ADAP1: variants seen among roughly 807,000 people sequenced by gnomAD.
The protein encoded by ADAP1 is arf-GAP with dual PH domain-containing protein 1.
A neutral mutation model predicts 54.9 loss-of-function variants in ADAP1; 31 were observed. That is an observed-to-expected ratio of 0.56 (90% CI 0.42 to 0.76). The LOEUF is 0.76. Ranked by LOEUF, ADAP1 falls within the 30% of genes least tolerant of loss-of-function variation. The pLI, the probability that ADAP1 is intolerant of heterozygous loss-of-function variation, is 0.00. For missense variants in ADAP1, 535 were observed against 512.4 expected, an observed-to-expected ratio of 1.04 and a Z score of -0.42; for synonymous variants, 313 against 202.6, an observed-to-expected ratio of 1.55 and a Z score of -4.63.
At chr7:905,996 G>C (rs1845269431) in intron 4 of ADAP1, among the ~76,000 whole-genome samples, 3 of 82,640 alleles carry the variant, frequency 3.6e-5, no homozygotes, top group Admixed American at 1.2e-4. Flanking sequence ...AAGGAGAAAG[G>C]AGAAAGGAGA....
chr7:955,309 G>A (rs750570013), upstream of ADAP1: 111 of 1,550,142 alleles, frequency 7.2e-5, no homozygotes, highest in East Asian at 1.0e-3. Context: ...CCAGACTCGC[G>A]TGCCCTTCCT....
intron 4 of ADAP1, among the ~76,000 whole-genome samples, chr7:915,434 G>A (rs939161359): frequency 1.3e-5 from 2 of 152,222 alleles, no homozygotes; most frequent in African/African-American, 4.8e-5. Flanking sequence ...CCGCCCCGCC[G>A]GGCCTGGTAT....
In ADAP1 at chr7:920,701, G is replaced by A. The variant is rs560590970; in HGVS notation, c.306-651C>T. On this transcript the variant is annotated intron_variant, in intron 3 of 10. Transcript: ENST00000265846. This position sits in a 1 kb window ranked among gnomAD's most constrained non-coding sequence, Gnocchi z 4.5. ...AGCCCCCGAGAGTAAAGCCCGGGACGAGGGCCCCCCACGGCACCCACTGAG... is the reference window on the plus strand; with the variant it reads ...AGCCCCCGAGAGTAAAGCCCGGGACAAGGGCCCCCCACGGCACCCACTGAG... 5.6e-5 allele frequency: 67 copies of A among 1,187,008 alleles called. No individual in the cohort carries two copies. Among genetic ancestry groups the A allele is most frequent in the East Asian group, 5.3e-4 (20 of 38,092 alleles). 73.5% of individuals were successfully genotyped at this position (1,187,008 alleles called of 1,614,324 possible).
At chr7:904,978 C>T (rs544916546) in intron 5 of ADAP1, 82 bp downstream of exon 5, 392 of 1,239,730 alleles carry the variant, frequency 3.2e-4, no homozygotes, top group South Asian at 1.5e-3. Flanking sequence ...TGCGGATGGA[C>T]GCGGCCACCA....
intron 1 of ADAP1, among the ~76,000 whole-genome samples, chr7:952,645 T>C (rs1847299330): frequency 2.0e-5 from 3 of 152,092 alleles, no homozygotes; most frequent in Admixed American, 6.5e-5. Flanking sequence ...GTGTGGCTCA[T>C]GTCCCCTAAG....
chr7:937,827 C>T (rs1000839895), intron 1 of ADAP1, among the ~76,000 whole-genome samples: 1 of 152,200 alleles, frequency 6.6e-6, no homozygotes, highest in Non-Finnish European at 1.5e-5. Context: ...TTTTCTGTCA[C>T]AGCTGTTAGG....
intron 6 of ADAP1, among the ~76,000 whole-genome samples, chr7:903,636 C>G (rs1290411104): frequency 6.6e-6 from 1 of 152,258 alleles, no homozygotes; most frequent in East Asian, 1.9e-4. Flanking sequence ...CCCCCAAGCC[C>G]TCCAGAGATG....
At chr7:948,221 G>C (rs1314954487) in intron 1 of ADAP1, among the ~76,000 whole-genome samples, 1 of 149,766 alleles carries the variant, frequency 6.7e-6, no homozygotes, top group Non-Finnish European at 1.5e-5. Context: ...CCCCATGTCT[G>C]CCCTGCCCCC....
intron 1 of ADAP1, among the ~76,000 whole-genome samples, chr7:953,794 G>A (rs1199863593): frequency 6.6e-6 from 1 of 152,230 alleles, no homozygotes; most frequent in East Asian, 1.9e-4. Context: ...CCGGGAGAAC[G>A]AACGGGCGGG....
intron 1 of ADAP1, among the ~76,000 whole-genome samples, chr7:942,142 C>G (rs1397331177): frequency 6.6e-6 from 1 of 152,184 alleles, no homozygotes; most frequent in Non-Finnish European, 1.5e-5. Flanking sequence ...AAAATTATCC[C>G]CAAATGCATC....
rs557106421 is a variant in ADAP1, at chr7:945,335, C to T, written c.82+9061G>A. 2.0e-5 allele frequency among the ~76,000 whole-genome samples: 3 copies of T among 152,310 alleles called. No individual in the cohort carries two copies. In the South Asian group the frequency reaches 6.2e-4, roughly 32 times the overall value. ...GGGAGCTGGTCTGACGCCCCAGCAG[C>T]AGGGCCCCCACAGGCCCACGCAGGA... On this transcript the variant is annotated intron_variant, in intron 1 of 10. Coordinates refer to ENST00000265846, the MANE Select transcript of ADAP1 (RefSeq NM_006869.4). This position sits in a 1 kb window ranked among gnomAD's most constrained non-coding sequence, Gnocchi z 4.2.
chr7:929,531 A>C (rs1410477244), intron 2 of ADAP1, among the ~76,000 whole-genome samples: 1 of 151,626 alleles, frequency 6.6e-6, no homozygotes, highest in African/African-American at 2.4e-5. Context: ...AAAAAAAAAA[A>C]AAAACAAGAC....
intron 1 of ADAP1, among the ~76,000 whole-genome samples, chr7:953,788 GA>G (rs902945704): frequency 5.3e-5 from 8 of 152,366 alleles, no homozygotes; most frequent in Non-Finnish European, 1.0e-4. Flanking sequence ...GCCCGGCCGG[GA>G]GAACGAACGG....
At chr7:936,216 A>ATTTTTTTT (rs57738487) in intron 1 of ADAP1, among the ~76,000 whole-genome samples, 29,492 of 150,836 alleles carry the variant, frequency 0.2, 3,123 homozygotes, top group African/African-American at 0.27. Context: ...AGGGAGCAGA[A>ATTTTTTTT]TTTTTTTTGA....
At chr7:951,672 C>T (rs1847275329) in intron 1 of ADAP1, among the ~76,000 whole-genome samples, 1 of 150,876 alleles carries the variant, frequency 6.6e-6, no homozygotes, top group Admixed American at 6.6e-5. Flanking sequence ...GAGGCAGAGG[C>T]TGCAGTGAGT....
At chr7:939,461 G>A (rs547088666) in intron 1 of ADAP1, among the ~76,000 whole-genome samples, 13 of 151,718 alleles carry the variant, frequency 8.6e-5, no homozygotes, top group East Asian at 8.0e-4. Flanking sequence ...TAGGTGATCC[G>A]CCTGCCTCGG....
chr7:953,670 G>A (rs908451859), intron 1 of ADAP1, among the ~76,000 whole-genome samples: 1 of 152,220 alleles, frequency 6.6e-6, no homozygotes, highest in Non-Finnish European at 1.5e-5. Context: ...TGGGCACTGG[G>A]CCCCGTTCAC....
chr7:904,538 C>T (rs914670589), intron 5 of ADAP1, among the ~76,000 whole-genome samples: 44 of 152,166 alleles, frequency 2.9e-4, no homozygotes, highest in South Asian at 6.2e-4. Flanking sequence ...GGGGCAGCCC[C>T]GGGCCCCACA....
chr7:931,059 AAAGG>A (rs1481869103), intron 2 of ADAP1, among the ~76,000 whole-genome samples: 1 of 146,622 alleles, frequency 6.8e-6, no homozygotes, highest in African/African-American at 2.6e-5. Context: ...GGGAGGGAAG[AAAGG>A]AAGGCAGGAG....
Sources: allele counts gnomAD v4.1 joint callset (sites outside exome capture counted in the v4.1 genomes callset), GRCh38; gene constraint gnomAD v4.1.1; non-coding constraint Gnocchi (gnomAD v3.1); transcripts MANE v1.5; gene names NCBI Gene and HGNC (gene_info 2026-07-23, HGNC 2026-07-21).